GPC5: variants seen among roughly 807,000 people sequenced by gnomAD.
GPC5 encodes glypican 5.
GPC5 carries 47 observed loss-of-function variants against 53.9 expected under a neutral mutation model. That is an observed-to-expected ratio of 0.87 (90% CI 0.69 to 1.11). GPC5 has a LOEUF of 1.11. Ranked by LOEUF, GPC5 falls within the 50% of genes most tolerant of loss-of-function variation. The probability of loss-of-function intolerance (pLI) is 0.00; values close to 1 mark genes in which losing one functional copy is unlikely to be tolerated. For synonymous variants in GPC5, 286 were observed against 263.3 expected, an observed-to-expected ratio of 1.09 and a Z score of -0.84; for missense variants, 748 against 713.1, an observed-to-expected ratio of 1.05 and a Z score of -0.56.
Position 92,015,818 on chromosome 13 carries a change from A to G in GPC5, c.1401+107761A>G, listed in dbSNP as rs578103861. On this transcript the variant is annotated intron_variant, in intron 6 of 7. Transcript: ENST00000377067. ...ATTATTGTTGCAACAAATGCCAAGC[A>G]GATAAATGAATGAATAGAATTATTT... 2.6e-5 allele frequency among the ~76,000 whole-genome samples: 4 copies of G among 152,378 alleles called. No homozygotes were observed. In the East Asian group the frequency reaches 7.7e-4, roughly 29 times the overall value.
At chr13:92,444,651 A>G (rs762822011) in intron 7 of GPC5, among the ~76,000 whole-genome samples, 1 of 150,660 alleles carries the variant, frequency 6.6e-6, no homozygotes, top group Non-Finnish European at 1.5e-5. Flanking sequence ...TAGGAGAGTA[A>G]TAATAGGATG....
chr13:92,794,034 T>C (rs979200363), intron 7 of GPC5, among the ~76,000 whole-genome samples: 1 of 152,144 alleles, frequency 6.6e-6, no homozygotes, highest in African/African-American at 2.4e-5. Context: ...ACTCATCTTA[T>C]GAGGCCAGCA....
chr13:92,272,464 A>T (rs995528617), intron 7 of GPC5, among the ~76,000 whole-genome samples: 1 of 152,190 alleles, frequency 6.6e-6, no homozygotes, highest in Non-Finnish European at 1.5e-5. Flanking sequence ...TTTGAAAGAC[A>T]ATAGGAAGAT....
intron 2 of GPC5, among the ~76,000 whole-genome samples, chr13:91,573,094 A>G (rs1359609163): frequency 1.3e-5 from 2 of 152,122 alleles, no homozygotes; most frequent in Non-Finnish European, 2.9e-5. Flanking sequence ...CTGGGAAGAA[A>G]TGGGTGCTGG....
At chr13:91,526,508 A>G (rs530039692) in intron 2 of GPC5, among the ~76,000 whole-genome samples, 2 of 152,324 alleles carry the variant, frequency 1.3e-5, no homozygotes, top group African/African-American at 4.8e-5. Context: ...AGAGAGAACT[A>G]GATTAGAATA....
chr13:91,675,237 A>G (rs780616973), intron 2 of GPC5, among the ~76,000 whole-genome samples: 2 of 152,306 alleles, frequency 1.3e-5, no homozygotes, highest in Admixed American at 1.3e-4. Context: ...TAAGTTAAAC[A>G]TAATTAAATT....
intron 2 of GPC5, among the ~76,000 whole-genome samples, chr13:91,658,216 C>T (rs116271710): frequency 0.011 from 1,730 of 152,234 alleles, 32 homozygotes; most frequent in African/African-American, 0.035. Flanking sequence ...TATAGCACCT[C>T]ATGCTTTTCA....
chr13:92,136,991 A>G (rs2041789344), intron 6 of GPC5, among the ~76,000 whole-genome samples: 1 of 152,120 alleles, frequency 6.6e-6, no homozygotes, highest in Non-Finnish European at 1.5e-5. Context: ...CATCAAAACT[A>G]TTTTTGGCTA....
At chr13:91,669,195 C>T (rs1428395799) in intron 2 of GPC5, among the ~76,000 whole-genome samples, 2 of 152,080 alleles carry the variant, frequency 1.3e-5, no homozygotes, top group African/African-American at 2.4e-5. Flanking sequence ...TGTGCCCCCC[C>T]GACATTAACT....
chr13:91,691,304 G>A (rs917271876), intron 2 of GPC5, among the ~76,000 whole-genome samples: 4 of 152,180 alleles, frequency 2.6e-5, no homozygotes, highest in African/African-American at 9.7e-5. Flanking sequence ...ATAGATTCCT[G>A]AACCAAGACG....
intron 6 of GPC5, among the ~76,000 whole-genome samples, chr13:92,038,029 G>A (rs2040907719): frequency 6.6e-6 from 1 of 152,118 alleles, no homozygotes. Context: ...GTTATTGACA[G>A]TATTGAGGTG....
intron 7 of GPC5, among the ~76,000 whole-genome samples, chr13:92,307,875 A>G (rs761243396): frequency 6.6e-6 from 1 of 152,232 alleles, no homozygotes; most frequent in Non-Finnish European, 1.5e-5. Context: ...TTTTCTCACT[A>G]TCTAGGCATA....
intron 7 of GPC5, among the ~76,000 whole-genome samples, chr13:92,491,390 T>C (rs980558479): frequency 2.6e-5 from 4 of 152,172 alleles, no homozygotes; most frequent in Non-Finnish European, 4.4e-5. Flanking sequence ...AAAACTATTA[T>C]ATTTTAGAAA....
intron 7 of GPC5, among the ~76,000 whole-genome samples, chr13:92,368,038 G>T (rs940391254): frequency 6.6e-6 from 1 of 152,152 alleles, no homozygotes; most frequent in Non-Finnish European, 1.5e-5. Flanking sequence ...AGCCTGGAGT[G>T]CAGTGGCATG....
At chr13:92,865,152 G>GT (rs1292200621) in intron 7 of GPC5, among the ~76,000 whole-genome samples, 1 of 152,108 alleles carries the variant, frequency 6.6e-6, no homozygotes, top group Non-Finnish European at 1.5e-5. Context: ...TAAGGGGATA[G>GT]TTTTTTCCTC....
At chr13:92,855,826 C>T (rs1878978706) in intron 7 of GPC5, among the ~76,000 whole-genome samples, 1 of 151,906 alleles carries the variant, frequency 6.6e-6, no homozygotes, top group Non-Finnish European at 1.5e-5. Context: ...CTGAACAGAC[C>T]AGTAACAAGT....
chr13:92,457,175 T>G (rs530102077), intron 7 of GPC5, among the ~76,000 whole-genome samples: 1 of 152,248 alleles, frequency 6.6e-6, no homozygotes, highest in Non-Finnish European at 1.5e-5. Flanking sequence ...AAGGAGATGA[T>G]TTTGTTCTTT....
chr13:92,340,765 G>A (rs2043359630), intron 7 of GPC5, among the ~76,000 whole-genome samples: 2 of 152,228 alleles, frequency 1.3e-5, no homozygotes, highest in South Asian at 2.1e-4. Flanking sequence ...GCTTTTAAAA[G>A]AGCCTAAATA....
chr13:92,709,806 A>C (rs1276101205), intron 7 of GPC5, among the ~76,000 whole-genome samples: 1 of 152,232 alleles, frequency 6.6e-6, no homozygotes, highest in Non-Finnish European at 1.5e-5. Context: ...TTATCCAACA[A>C]TTGTAAAACA....
Sources: gnomAD v4.1 joint callset for allele counts (sites outside exome capture counted in the v4.1 genomes callset) on GRCh38, gnomAD v4.1.1 for gene constraint, MANE v1.5 for transcripts, NCBI Gene and HGNC (gene_info 2026-07-23, HGNC 2026-07-21) for gene names.